PSPC1: variants seen among roughly 807,000 people sequenced by gnomAD.
The protein encoded by PSPC1 is paraspeckle protein 1.
Under a neutral mutation model 51.6 loss-of-function variants are expected in PSPC1, and 14 were observed. The observed-to-expected ratio is 0.27, with a 90% CI of 0.18 to 0.42. The LOEUF (loss-of-function observed/expected upper bound fraction) is 0.42, where lower values mean the gene tolerates loss of function less well. Ranked by LOEUF, PSPC1 falls within the 10% of genes least tolerant of loss-of-function variation. PSPC1 has a pLI of 1.00. For missense variants in PSPC1, 406 were observed against 701.1 expected (o/e 0.58, Z 4.75); for synonymous variants, 193 against 231.9 (o/e 0.83, Z 1.53).
intron 4 of PSPC1, among the ~76,000 whole-genome samples, chr13:19,747,284 G>T (rs535445033): frequency 1.3e-5 from 2 of 151,912 alleles, no homozygotes; most frequent in African/African-American, 4.8e-5. Flanking sequence ...ATATAAGGCG[G>T]ATATTTACAT....
intron 5 of PSPC1, among the ~76,000 whole-genome samples, chr13:19,733,155 G>A (rs1884339983): frequency 6.6e-6 from 1 of 152,074 alleles, no homozygotes; most frequent in Admixed American, 6.6e-5. Flanking sequence ...AAAAGCAAAA[G>A]ATCAAGGACA....
chr13:19,759,303 A>C lies in PSPC1; in HGVS notation c.770+20T>G, dbSNP rs1293313004. On this transcript the variant is annotated intron_variant, in intron 3 of 8. Transcript: ENST00000338910. ...ACCCTTAATAGTACAGACACAAATT[A>C]TCTATTAATAAAATCTTACTTATGA... is the stretch of plus-strand genomic sequence containing the variant. The C allele has an allele frequency of 1.3e-6, 2 of 1,563,158 alleles. No homozygotes were observed.
intron 6 of PSPC1, among the ~76,000 whole-genome samples, chr13:19,688,660 G>C (rs974600877): frequency 2.0e-5 from 3 of 152,178 alleles, no homozygotes; most frequent in African/African-American, 4.8e-5. Context: ...ATCTTCGATG[G>C]AGCAAATCCT....
chr13:19,684,358 T>C (rs1877616312), intron 6 of PSPC1, among the ~76,000 whole-genome samples: 1 of 152,248 alleles, frequency 6.6e-6, no homozygotes, highest in Non-Finnish European at 1.5e-5. Flanking sequence ...ATTATGAACT[T>C]ACCTGAACAG....
rs181657739 is a variant in PSPC1, at chr13:19,750,926, C to T, written c.967+345G>A. ...CTGGGATTACAGGTGCGCACCACCACGGCTGGCTAATTTTGTATTTTTAGT... is the reference window on the plus strand; with the variant it reads ...CTGGGATTACAGGTGCGCACCACCATGGCTGGCTAATTTTGTATTTTTAGT... On this transcript the variant is annotated intron_variant, in intron 4 of 8. Coordinates refer to ENST00000338910, the MANE Select transcript of PSPC1 (RefSeq NM_001354909.2). Among the ~76,000 whole-genome samples, 142 of 152,086 alleles carry T rather than the reference C, an allele frequency of 9.3e-4. 1 individual carries two copies. Among genetic ancestry groups the T allele is most frequent in the African/African-American group, 3.2e-3 (132 of 41,514 alleles).
rs564380958 is a variant in PSPC1 at position 19,740,665 on chromosome 13, A to G, written c.1052+900T>C. Among the ~76,000 whole-genome samples the G allele has an allele frequency of 5.5e-4, 84 of 152,274 alleles. 1 individual carries two copies. Among genetic ancestry groups the G allele is most frequent in the Admixed American group, 2.5e-3 (38 of 15,294 alleles). ...AACTAGTATGATTTTTGAACCTTTG[A>G]AGAGTAATGTTTATACCATTATATT... On this transcript the variant is annotated intron_variant, in intron 5 of 8. Coordinates refer to ENST00000338910, the MANE Select transcript of PSPC1 (RefSeq NM_001354909.2).
intron 6 of PSPC1, among the ~76,000 whole-genome samples, chr13:19,691,521 C>T (rs1878544987): frequency 6.6e-6 from 1 of 151,344 alleles, no homozygotes; most frequent in Admixed American, 6.6e-5. Context: ...GACCTTGTCT[C>T]GAAAAAAGAC....
intron 6 of PSPC1, among the ~76,000 whole-genome samples, chr13:19,689,260 G>T (rs1878285162): frequency 6.6e-6 from 1 of 152,108 alleles, no homozygotes; most frequent in South Asian, 2.1e-4. Context: ...AGCCTAGAGT[G>T]AAGACAAAAG....
intron 4 of PSPC1, among the ~76,000 whole-genome samples, chr13:19,750,157 C>T (rs1886389738): frequency 2.0e-5 from 3 of 152,070 alleles, no homozygotes; most frequent in Admixed American, 6.6e-5. Flanking sequence ...GTACACAGAA[C>T]GGTTTAAAGA....
chr13:19,759,518 A>G (rs1593734323), intron 2 of PSPC1, 100 bp from the exon 3 acceptor site: 1 of 830,088 alleles, frequency 1.2e-6, no homozygotes, highest in Non-Finnish European at 1.9e-6. Flanking sequence ...TATACTTAGA[A>G]AATGTCTCAC....
intron 2 of PSPC1, among the ~76,000 whole-genome samples, chr13:19,760,487 C>T (rs1205187396): frequency 6.6e-6 from 1 of 150,824 alleles, no homozygotes; most frequent in African/African-American, 2.4e-5. Flanking sequence ...GCGATCGCAC[C>T]ACTGTACTCC....
At chr13:19,753,840 T>C (rs1323055645) in intron 3 of PSPC1, among the ~76,000 whole-genome samples, 1 of 152,132 alleles carries the variant, frequency 6.6e-6, no homozygotes, top group Non-Finnish European at 1.5e-5. Context: ...AAAACCCTAC[T>C]TGGATTTTTT....
intron 3 of PSPC1, among the ~76,000 whole-genome samples, chr13:19,753,153 G>A (rs1886732309): frequency 6.6e-6 from 1 of 151,776 alleles, no homozygotes; most frequent in Non-Finnish European, 1.5e-5. Context: ...CGTGGTGGCG[G>A]GTGCCTGCGA....
At chr13:19,723,337 G>A (rs1389874828) in intron 6 of PSPC1, among the ~76,000 whole-genome samples, 1 of 152,182 alleles carries the variant, frequency 6.6e-6, no homozygotes, top group Non-Finnish European at 1.5e-5. Context: ...TGTGTACACA[G>A]TATGAGATTC....
At chr13:19,742,616 G>A (rs1885548458) in intron 4 of PSPC1, among the ~76,000 whole-genome samples, 1 of 152,160 alleles carries the variant, frequency 6.6e-6, no homozygotes, top group Non-Finnish European at 1.5e-5. Flanking sequence ...GTGCACGCCT[G>A]TAATTCCAGC....
At chr13:19,745,766 C>T (rs1885911857) in intron 4 of PSPC1, among the ~76,000 whole-genome samples, 2 of 151,924 alleles carry the variant, frequency 1.3e-5, no homozygotes, top group South Asian at 2.1e-4. Flanking sequence ...ACTACAGGCG[C>T]ATGCCACCAG....
intron 6 of PSPC1, among the ~76,000 whole-genome samples, chr13:19,691,990 G>T (rs7318682): frequency 6.6e-6 from 1 of 151,926 alleles, no homozygotes; most frequent in African/African-American, 2.4e-5. Flanking sequence ...AAGCGGGGAG[G>T]GATGGAGGTA....
At chr13:19,776,796 C>T (rs1889178840) in intron 1 of PSPC1, among the ~76,000 whole-genome samples, 2 of 151,160 alleles carry the variant, frequency 1.3e-5, no homozygotes, top group Non-Finnish European at 1.5e-5. Context: ...CGTGAGCCAC[C>T]GCGCCCGGCC....
At chr13:19,707,830 T>C (rs1250224845) in intron 7 of PSPC1, among the ~76,000 whole-genome samples, 1 of 152,170 alleles carries the variant, frequency 6.6e-6, no homozygotes, top group African/African-American at 2.4e-5. Context: ...GATAACAGCC[T>C]TTTAAACTGC....
Sources: allele counts gnomAD v4.1 joint callset (sites outside exome capture counted in the v4.1 genomes callset), GRCh38; gene constraint gnomAD v4.1.1; transcripts MANE v1.5; gene names NCBI Gene and HGNC (gene_info 2026-07-23, HGNC 2026-07-21).